The following NELL1 variants were observed in gnomAD, a reference collection of about 807,000 sequenced individuals.
NELL1 encodes neural EGFL like 1.
Under a neutral mutation model 107.4 loss-of-function variants are expected in NELL1, and 76 were observed. The ratio of observed to expected loss-of-function variants is 0.71; its 90% CI spans 0.59 to 0.86. The LOEUF (loss-of-function observed/expected upper bound fraction) is 0.86. NELL1 is among the 40% of genes least tolerant of loss of function. The pLI is 0.00. For missense variants in NELL1, 1,024 were observed against 1,005.5 expected (o/e 1.02, Z -0.25); for synonymous variants, 353 against 341.2 (o/e 1.03, Z -0.38).
intron 2 of NELL1, among the ~76,000 whole-genome samples, chr11:20,724,921 T>C (rs1793016): frequency 0.96 from 145,453 of 152,174 alleles, 69,862 homozygotes; most frequent in Middle Eastern, 1. Flanking sequence ...CTGGGGAAGT[T>C]TCAGGAAACT....
At chr11:21,223,365 C>G (rs1401789306) in intron 13 of NELL1, among the ~76,000 whole-genome samples, 1 of 151,804 alleles carries the variant, frequency 6.6e-6, no homozygotes, top group African/African-American at 2.4e-5. Flanking sequence ...TCTATTTCTT[C>G]TGATATAAAC....
chr11:21,386,597 G>C lies in NELL1; in HGVS notation c.1645+15649G>C, dbSNP rs527601881. 1.6e-4 allele frequency among the ~76,000 whole-genome samples: 24 copies of C among 151,938 alleles called. No homozygotes were observed. In the South Asian group the frequency reaches 5.0e-3, roughly 31 times the overall value. ...TGATTGGAATGGTTAAAGAACTGCG[G>C]ACTGCACTATTAAGCACTTTTAAAT... is the stretch of plus-strand genomic sequence containing the variant. On this transcript the variant is annotated intron_variant, in intron 15 of 19. Coordinates refer to ENST00000357134, the MANE Select transcript of NELL1 (RefSeq NM_006157.5).
At chr11:20,848,033 T>C (rs1848732631) in intron 4 of NELL1, among the ~76,000 whole-genome samples, 1 of 152,188 alleles carries the variant, frequency 6.6e-6, no homozygotes, top group African/African-American at 2.4e-5. Context: ...CTCAGTGTGC[T>C]CCAGGCACTG....
At chr11:21,033,495 TTC>T (rs1202349650) in intron 12 of NELL1, among the ~76,000 whole-genome samples, 3 of 152,290 alleles carry the variant, frequency 2.0e-5, no homozygotes, top group East Asian at 3.9e-4. Flanking sequence ...GTATTTGATT[TTC>T]TGTTTCTTTA....
intron 13 of NELL1, among the ~76,000 whole-genome samples, chr11:21,135,745 A>G (rs2133764392): frequency 6.6e-6 from 1 of 152,362 alleles, no homozygotes; most frequent in Middle Eastern, 3.4e-3. Flanking sequence ...TAATACCTAC[A>G]ACATAGTAGT....
chr11:21,451,200 A>AG (rs1264862937), intron 15 of NELL1, among the ~76,000 whole-genome samples: 1 of 140,378 alleles, frequency 7.1e-6, no homozygotes, highest in African/African-American at 2.9e-5. Context: ...AAAAAAAAAA[A>AG]AAGAAAAAAA....
intron 14 of NELL1, among the ~76,000 whole-genome samples, chr11:21,314,117 G>A (rs1849818850): frequency 6.8e-6 from 1 of 148,000 alleles, no homozygotes; most frequent in African/African-American, 2.5e-5. Flanking sequence ...ATGCTGCTGT[G>A]CTTCCTATAC....
At chr11:21,264,955 C>T (rs1186607311) in intron 14 of NELL1, among the ~76,000 whole-genome samples, 1 of 151,924 alleles carries the variant, frequency 6.6e-6, no homozygotes. Flanking sequence ...ACACAATCCT[C>T]CTAGATAGGG....
At position 20,995,441 on chromosome 11, in the gene NELL1, G is replaced by C. The variant is rs11025872; in HGVS notation, c.1300+34881G>C. 1.8e-4 allele frequency among the ~76,000 whole-genome samples: 28 copies of C among 152,126 alleles called. No homozygotes were observed. The East Asian group carries it at 5.4e-3, about 30-fold the overall frequency. On this transcript the variant is annotated intron_variant, in intron 12 of 19. Coordinates refer to ENST00000357134, the MANE Select transcript of NELL1 (RefSeq NM_006157.5). The stretch of plus-strand genomic sequence containing the variant: ...AAAATATAAAAAATTAGCCGCACGT[G>C]GTGGCGCATGCCTGTAATCCCAGCC...
intron 2 of NELL1, among the ~76,000 whole-genome samples, chr11:20,730,918 C>T (rs939003047): frequency 1.3e-5 from 2 of 152,154 alleles, no homozygotes; most frequent in Admixed American, 1.3e-4. Context: ...TCAAAGCAGC[C>T]AGATCTGGAT....
At chr11:21,245,734 T>C (rs1361715716) in intron 14 of NELL1, among the ~76,000 whole-genome samples, 2 of 152,156 alleles carry the variant, frequency 1.3e-5, no homozygotes, top group African/African-American at 2.4e-5. Context: ...AAACATGCAA[T>C]AAAATAGTTG....
chr11:21,195,332 G>T (rs1857129577), intron 13 of NELL1, among the ~76,000 whole-genome samples: 2 of 152,016 alleles, frequency 1.3e-5, no homozygotes, highest in Non-Finnish European at 1.5e-5. Flanking sequence ...ACCTGAGTTT[G>T]GTCTCAAGTC....
rs190817990 is a variant in NELL1 at position 21,456,666 on chromosome 11, T to C, written c.1646-77708T>C. 3.2e-3 allele frequency among the ~76,000 whole-genome samples: 491 copies of C among 152,270 alleles called. 3 individuals carry two copies. The highest frequency in any genetic ancestry group is 0.011 in the African/African-American group (476 of 41,552). On this transcript the variant is annotated intron_variant, in intron 15 of 19. Coordinates refer to ENST00000357134, the MANE Select transcript of NELL1 (RefSeq NM_006157.5). ...AATATTTATTGAGAATCTATTATGC[T>C]AGGCTTTAAAGAACTTGTCCTCAAG...
intron 2 of NELL1, among the ~76,000 whole-genome samples, chr11:20,689,407 G>T (rs896469533): frequency 6.7e-6 from 1 of 149,432 alleles, no homozygotes; most frequent in Non-Finnish European, 1.5e-5. Context: ...TTAGCATTAG[G>T]CATATCTCCT....
At chr11:20,915,717 A>ATATATATATATATATATAT in intron 5 of NELL1, among the ~76,000 whole-genome samples, 227 of 58,210 alleles carry the variant, frequency 3.9e-3, no homozygotes, top group Non-Finnish European at 5.0e-3. Flanking sequence ...ATATATATAT[A>ATATATATATATATATATAT]TTTTTTTTTT....
rs1365730795 is a variant in NELL1, at chr11:20,840,957, T to C, written c.336-6626T>C. Among the ~76,000 whole-genome samples, 3 of 152,248 alleles carry C rather than the reference T, an allele frequency of 2.0e-5. No individual in the cohort carries two copies. The South Asian group carries it at 6.2e-4, about 31-fold the overall frequency. ...GCCTGCTGCCATTTCTTTTTACTTA[T>C]AGACTAGCAATAACTTGTGCCCATT... On this transcript the variant is annotated intron_variant, in intron 3 of 19. Coordinates refer to ENST00000357134, the MANE Select transcript of NELL1 (RefSeq NM_006157.5).
intron 16 of NELL1, among the ~76,000 whole-genome samples, chr11:21,544,816 CCTATT>C: frequency 1.3e-5 from 2 of 151,610 alleles, no homozygotes; most frequent in African/African-American, 2.4e-5. Context: ...AATATAAATT[CCTATT>C]CTAGGAATTT....
rs143744377 is a variant in NELL1 at position 21,278,084 on chromosome 11, C to T, written c.1549+48630C>T. Among the ~76,000 whole-genome samples, 6 of 151,788 alleles carry T rather than the reference C, an allele frequency of 4.0e-5. No homozygotes were observed. The East Asian group carries it at 1.2e-3, about 29-fold the overall frequency. ...GAAAGAAAAAGCATTTGACAAAATC[C>T]AACACCTATCATTGATAAAAACCCT... On this transcript the variant is annotated intron_variant, in intron 14 of 19. Coordinates refer to ENST00000357134, the MANE Select transcript of NELL1 (RefSeq NM_006157.5).
intron 13 of NELL1, among the ~76,000 whole-genome samples, chr11:21,136,392 A>C (rs1004153487): frequency 6.6e-6 from 1 of 152,212 alleles, no homozygotes; most frequent in African/African-American, 2.4e-5. Context: ...TGTTTTGAGA[A>C]GCCATTAAAA....
Sources: gnomAD v4.1 joint callset for allele counts (sites outside exome capture counted in the v4.1 genomes callset) on GRCh38, gnomAD v4.1.1 for gene constraint, MANE v1.5 for transcripts, NCBI Gene and HGNC (gene_info 2026-07-23, HGNC 2026-07-21) for gene names.